SSBP2: variants seen among roughly 807,000 people sequenced by gnomAD.
SSBP2 encodes single-stranded DNA-binding protein 2.
Under a neutral mutation model 61.8 loss-of-function variants are expected in SSBP2, and 17 were observed. The ratio of observed to expected loss-of-function variants is 0.28; its 90% CI spans 0.19 to 0.41. SSBP2 has a LOEUF of 0.41. Ranked by LOEUF, SSBP2 falls within the 10% of genes least tolerant of loss-of-function variation. The pLI, the probability that SSBP2 is intolerant of heterozygous loss-of-function variation, is 1.00. For missense variants in SSBP2, 310 were observed against 458.7 expected, an observed-to-expected ratio of 0.68 and a Z score of 2.96; for synonymous variants, 139 against 141.3, an observed-to-expected ratio of 0.98 and a Z score of 0.12.
chr5:81,461,591 T>TA (rs1465892598), intron 9 of SSBP2, among the ~76,000 whole-genome samples: 12 of 134,936 alleles, frequency 8.9e-5, no homozygotes, highest in South Asian at 6.8e-4. Context: ...AAGTTGCCTT[T>TA]TAAAAAAAAA....
At position 81,655,911 on chromosome 5, in the gene SSBP2, T is replaced by G. The variant is rs1750167226; in HGVS notation, c.63-5572A>C. On this transcript the variant is annotated intron_variant, in intron 1 of 16. Coordinates refer to ENST00000320672, the MANE Select transcript of SSBP2 (RefSeq NM_012446.5). ...TCATGAATTCAATATCTATAGTAAT[T>G]TGGATTAGAACAGGTCTTCAGTTTA... Among the ~76,000 whole-genome samples, 3 of 152,210 alleles carry G rather than the reference T, an allele frequency of 2.0e-5. No individual in the cohort carries two copies. In the South Asian group the frequency reaches 6.2e-4, roughly 31 times the overall value.
At chr5:81,549,427 C>T (rs1379038222) in intron 4 of SSBP2, among the ~76,000 whole-genome samples, 4 of 152,330 alleles carry the variant, frequency 2.6e-5, no homozygotes, top group East Asian at 1.9e-4. Context: ...AATACCTCCA[C>T]GCCCTGAATC....
At chr5:81,445,135 ATT>A (rs200949820) in intron 12 of SSBP2, among the ~76,000 whole-genome samples, 17,162 of 43,616 alleles carry the variant, frequency 0.39, 4,173 homozygotes, top group African/African-American at 0.64. Flanking sequence ...GAAAAAAAAA[ATT>A]TTATATATAT....
At position 81,614,426 on chromosome 5, in the gene SSBP2, G is replaced by T. The variant is rs540207097; in HGVS notation, c.282+1047C>A. On this transcript the variant is annotated intron_variant, in intron 4 of 16. Transcript: ENST00000320672. ...CAGGTAGCCAAGATTTTCACTTCCC[G>T]TAAGTCTGCATGCTCTTCCTCATGC... is the stretch of plus-strand genomic sequence containing the variant. Among the ~76,000 whole-genome samples the T allele has an allele frequency of 2.0e-5, 3 of 148,810 alleles. No homozygotes were observed. In the East Asian group the frequency reaches 5.9e-4, roughly 29 times the overall value.
intron 1 of SSBP2, among the ~76,000 whole-genome samples, chr5:81,719,065 C>T (rs935818556): frequency 2.6e-5 from 4 of 152,268 alleles, no homozygotes; most frequent in African/African-American, 9.6e-5. Context: ...TACAGTATCA[C>T]TCTTCAGTAA....
In SSBP2 at chr5:81,725,410, A is replaced by C. The variant is rs1755809142; in HGVS notation, c.62+25571T>G. On this transcript the variant is annotated intron_variant, in intron 1 of 16. Coordinates refer to ENST00000320672, the MANE Select transcript of SSBP2 (RefSeq NM_012446.5). ...GAAAAGAGAACTACTATGTACTCCT[A>C]GTGAGAATGTACACTAGTACAGACA... Among the ~76,000 whole-genome samples the C allele has an allele frequency of 2.0e-5, 3 of 152,332 alleles. No individual in the cohort carries two copies. The South Asian group carries it at 6.2e-4, about 32-fold the overall frequency.
rs546415489 is a variant in SSBP2 at position 81,431,759 on chromosome 5, A to G, written c.958-3076T>C. Among the ~76,000 whole-genome samples the G allele has an allele frequency of 8.6e-5, 13 of 152,028 alleles. No individual in the cohort carries two copies. In the South Asian group the frequency reaches 2.7e-3, roughly 32 times the overall value. On this transcript the variant is annotated intron_variant, in intron 15 of 16. Coordinates refer to ENST00000320672, the MANE Select transcript of SSBP2 (RefSeq NM_012446.5). ...GCTACCACATCTGGCTAATTTTTAA[A>G]ATGTTCTGCAGAGATGAGATCTCAC...
At chr5:81,661,750 C>G (rs181877785) in intron 1 of SSBP2, among the ~76,000 whole-genome samples, 2 of 152,204 alleles carry the variant, frequency 1.3e-5, no homozygotes, top group Non-Finnish European at 2.9e-5. Flanking sequence ...ATATTAACCC[C>G]TTATCAGGGT....
intron 6 of SSBP2, among the ~76,000 whole-genome samples, chr5:81,477,485 TGTTA>T (rs1765669145): frequency 6.6e-6 from 1 of 152,204 alleles, no homozygotes; most frequent in African/African-American, 2.4e-5. Context: ...ACCCGGCCTA[TGTTA>T]GTTACTTATT....
intron 1 of SSBP2, among the ~76,000 whole-genome samples, chr5:81,659,785 A>C (rs942580976): frequency 6.6e-6 from 1 of 152,114 alleles, no homozygotes; most frequent in Non-Finnish European, 1.5e-5. Flanking sequence ...GCTATAGTAT[A>C]GCAAAACGGC....
chr5:81,571,467 C>T (rs1436880133), intron 4 of SSBP2, among the ~76,000 whole-genome samples: 1 of 152,104 alleles, frequency 6.6e-6, no homozygotes, highest in African/African-American at 2.4e-5. Flanking sequence ...TACCATGGAA[C>T]TATTCCTTCT....
At chr5:81,718,302 G>T (rs772267134) in intron 1 of SSBP2, among the ~76,000 whole-genome samples, 1 of 152,012 alleles carries the variant, frequency 6.6e-6, no homozygotes, top group African/African-American at 2.4e-5. Flanking sequence ...GATTCAGAGG[G>T]CTAAGAGGAA....
At chr5:81,489,124 G>T in intron 6 of SSBP2, 126 bp downstream of exon 6, 1 of 852,252 alleles carries the variant, frequency 1.2e-6, no homozygotes, top group Non-Finnish European at 1.8e-6. Context: ...CCTTGAAGCA[G>T]ACTAGAAATA....
At chr5:81,647,648 C>T (rs1038548196) in intron 2 of SSBP2, among the ~76,000 whole-genome samples, 3 of 151,886 alleles carry the variant, frequency 2.0e-5, no homozygotes, top group African/African-American at 2.4e-5. Context: ...GATAATAGTT[C>T]GTTTTCAGTT....
intron 6 of SSBP2, among the ~76,000 whole-genome samples, chr5:81,486,094 G>A (rs1195482068): frequency 3.3e-5 from 5 of 152,140 alleles, no homozygotes; most frequent in Non-Finnish European, 5.9e-5. Context: ...TGGAGTGGTG[G>A]TGGGAATGGA....
At chr5:81,456,036 ACT>A (rs1431931605) in intron 10 of SSBP2, among the ~76,000 whole-genome samples, 1 of 152,212 alleles carries the variant, frequency 6.6e-6, no homozygotes, top group African/African-American at 2.4e-5. Flanking sequence ...GCACTGGTTT[ACT>A]AGAAATAAGG....
At chr5:81,482,187 A>G (rs1561452604) in intron 6 of SSBP2, among the ~76,000 whole-genome samples, 2 of 152,064 alleles carry the variant, frequency 1.3e-5, no homozygotes, top group Non-Finnish European at 2.9e-5. Flanking sequence ...CAAGTTATCC[A>G]TGTGCCTCAG....
intron 5 of SSBP2, among the ~76,000 whole-genome samples, chr5:81,501,268 T>TACACACAC (rs34805388): frequency 8.4e-5 from 3 of 35,778 alleles, no homozygotes; most frequent in East Asian, 6.3e-4. Context: ...TATATATATA[T>TACACACAC]ACACACACAC....
At chr5:81,694,481 A>G (rs1462434218) in intron 1 of SSBP2, among the ~76,000 whole-genome samples, 14 of 152,180 alleles carry the variant, frequency 9.2e-5, no homozygotes, top group Admixed American at 9.2e-4. Context: ...AATATTGACT[A>G]AGTAAATTTG....
Sources: gnomAD v4.1 joint callset for allele counts (sites outside exome capture counted in the v4.1 genomes callset) on GRCh38, gnomAD v4.1.1 for gene constraint, MANE v1.5 for transcripts, NCBI Gene and HGNC (gene_info 2026-07-23, HGNC 2026-07-21) for gene names.